The following TRDN variants were observed in gnomAD, a reference collection of about 807,000 sequenced individuals.
TRDN encodes triadin.
In TRDN, 161 loss-of-function variants were observed where a neutral mutation model predicts 149.7. The observed-to-expected ratio is 1.08, with a 90% CI of 0.95 to 1.23. The LOEUF (loss-of-function observed/expected upper bound fraction) is 1.23, where lower values mean the gene tolerates loss of function less well. Among genes scored for constraint, TRDN ranks in the 50% most tolerant of loss-of-function variants. The pLI, the probability that TRDN is intolerant of heterozygous loss-of-function variation, is 0.00. For missense variants in TRDN, 896 were observed against 823.5 expected (o/e 1.09, Z -1.08); for synonymous variants, 294 against 250.5 (o/e 1.17, Z -1.64).
intron 12 of TRDN, among the ~76,000 whole-genome samples, chr6:123,402,927 C>G (rs993520188): frequency 2.6e-5 from 4 of 152,132 alleles, no homozygotes; most frequent in African/African-American, 9.7e-5. Flanking sequence ...CATAATTTAA[C>G]TAAAGCTTTT....
chr6:123,279,564 T>G (rs1296443297), intron 24 of TRDN, among the ~76,000 whole-genome samples: 1 of 151,962 alleles, frequency 6.6e-6, no homozygotes, highest in Non-Finnish European at 1.5e-5. Flanking sequence ...CTAGTACCTG[T>G]CTGTCACTGT....
intron 12 of TRDN, among the ~76,000 whole-genome samples, chr6:123,422,692 A>G (rs1050173826): frequency 3.3e-5 from 5 of 152,210 alleles, no homozygotes; most frequent in African/African-American, 1.2e-4. Context: ...CTCACAATTT[A>G]TACAAGTAGT....
chr6:123,366,162 C>T lies in TRDN; in HGVS notation c.1294G>A (p.Glu432Lys), dbSNP rs908092002. Residue 432 changes from glutamate (E) to lysine (K), a missense_variant, in exon 20 of 41, where the codon GAG (glutamate) becomes AAG (lysine). Coordinates refer to ENST00000334268, the MANE Select transcript of TRDN (RefSeq NM_006073.4). ...VKAKTERAKEEIGAVSIKKAV... is the reference protein window; with the variant it reads ...VKAKTERAKEKIGAVSIKKAV... The stretch of plus-strand genomic sequence containing the variant: ...TTTTTAATTGAAACCGCACCAATCT[C>T]CTCTTTGGCTCGTTCAGTTTCTGCA... The T allele has an allele frequency of 1.9e-6, 3 of 1,612,924 alleles. No homozygotes were observed. Among genetic ancestry groups the T allele is most frequent in the Non-Finnish European group, 1.7e-6 (2 of 1,179,256 alleles).
chr6:123,473,296 T>A (rs1343720078), intron 9 of TRDN, among the ~76,000 whole-genome samples: 1 of 151,916 alleles, frequency 6.6e-6, no homozygotes, highest in Non-Finnish European at 1.5e-5. Flanking sequence ...ACATGAAGAA[T>A]GCAGAAGCCT....
intron 39 of TRDN, 90 bp downstream of exon 39, chr6:123,224,003 A>G: frequency 8.1e-7 from 1 of 1,238,244 alleles, no homozygotes; most frequent in Non-Finnish European, 1.1e-6. Context: ...GACTAGATCA[A>G]GAATAGCTAG....
intron 1 of TRDN, among the ~76,000 whole-genome samples, chr6:123,584,976 T>G (rs1450108686): frequency 6.6e-6 from 1 of 152,096 alleles, no homozygotes; most frequent in African/African-American, 2.4e-5. Flanking sequence ...TAAATGGCCA[T>G]GCTGTAGCAG....
chr6:123,483,265 G>C (rs1010952500), intron 9 of TRDN, among the ~76,000 whole-genome samples: 2 of 151,298 alleles, frequency 1.3e-5, no homozygotes, highest in East Asian at 3.9e-4. Context: ...ACCATGCCAG[G>C]CTAATTTTTT....
chr6:123,430,935 A>G (rs1443326012), intron 12 of TRDN, among the ~76,000 whole-genome samples: 1 of 152,216 alleles, frequency 6.6e-6, no homozygotes, highest in Non-Finnish European at 1.5e-5. Flanking sequence ...TCTCTAAAAC[A>G]GATTAGCTTC....
chr6:123,583,496 T>G (rs1040802093), intron 1 of TRDN, among the ~76,000 whole-genome samples: 21 of 151,682 alleles, frequency 1.4e-4, no homozygotes, highest in African/African-American at 4.6e-4. Flanking sequence ...GTGAGGTGTG[T>G]TTTTAAAAGA....
chr6:123,608,644 T>C (rs924659758), intron 1 of TRDN, among the ~76,000 whole-genome samples: 4 of 152,192 alleles, frequency 2.6e-5, no homozygotes, highest in Non-Finnish European at 4.4e-5. Flanking sequence ...TTTTTTCTTA[T>C]ATCATCAGAA....
At chr6:123,440,238 G>A (rs1349650208) in intron 10 of TRDN, among the ~76,000 whole-genome samples, 1 of 151,938 alleles carries the variant, frequency 6.6e-6, no homozygotes, top group Non-Finnish European at 1.5e-5. Context: ...AATGTCTCAG[G>A]GAAAAATGTA....
intron 23 of TRDN, among the ~76,000 whole-genome samples, chr6:123,323,648 CT>C (rs1201653825): frequency 6.6e-6 from 1 of 152,200 alleles, no homozygotes; most frequent in African/African-American, 2.4e-5. Context: ...TACAGAAAAA[CT>C]TTGCTGAGTG....
Position 123,548,573 on chromosome 6 carries a change from A to G in TRDN, c.272T>C (p.Leu91Pro). The change falls in exon 3 of 41, where the codon CTG becomes CCG. Residue 91 changes from leucine to proline, a missense_variant. Coordinates refer to ENST00000334268, the MANE Select transcript of TRDN (RefSeq NM_006073.4). The part of the protein sequence containing the change: ...IAKIGSDPLK[L>P]VRDAMEETTD... ...GGTTTCCTCCATAGCATCACGTACCAGTTTTAAAGGATCTGAGCCAATCTT... is the reference window on the plus strand; with the variant it reads ...GGTTTCCTCCATAGCATCACGTACCGGTTTTAAAGGATCTGAGCCAATCTT... 2 of 1,553,328 alleles carry G rather than the reference A, an allele frequency of 1.3e-6. No individual in the cohort carries two copies. The highest frequency in any genetic ancestry group is 1.7e-6 in the Non-Finnish European group (2 of 1,148,410).
intron 10 of TRDN, among the ~76,000 whole-genome samples, chr6:123,458,367 A>C (rs1776255278): frequency 6.6e-6 from 1 of 152,238 alleles, no homozygotes; most frequent in Admixed American, 6.5e-5. Context: ...CATTTAAATC[A>C]TAGACTTTGA....
chr6:123,259,752 T>TA (rs1182250640), intron 34 of TRDN, 90 bp from the exon 35 acceptor site: 2 of 905,010 alleles, frequency 2.2e-6, no homozygotes, highest in Non-Finnish European at 3.3e-6. Context: ...AGATGAGACT[T>TA]AATCTTATGA....
chr6:123,243,777 A>C (rs1159662966), intron 38 of TRDN, among the ~76,000 whole-genome samples: 1 of 152,162 alleles, frequency 6.6e-6, no homozygotes, highest in Non-Finnish European at 1.5e-5. Flanking sequence ...AAATAACTTA[A>C]TGATGAGCAA....
At chr6:123,458,674 G>T (rs953470866) in intron 10 of TRDN, among the ~76,000 whole-genome samples, 2 of 152,176 alleles carry the variant, frequency 1.3e-5, no homozygotes, top group Admixed American at 6.5e-5. Flanking sequence ...TCTGGAGAAT[G>T]CTGACTAAAT....
intron 7 of TRDN, among the ~76,000 whole-genome samples, chr6:123,511,228 G>A (rs1366528855): frequency 6.6e-6 from 1 of 152,110 alleles, no homozygotes; most frequent in Non-Finnish European, 1.5e-5. Context: ...TTATTGAAGA[G>A]ACTGTCCTTT....
chr6:123,229,923 T>C (rs76964917), intron 38 of TRDN, among the ~76,000 whole-genome samples: 2 of 152,128 alleles, frequency 1.3e-5, no homozygotes, highest in East Asian at 3.9e-4. Context: ...CAATCTTATC[T>C]TGGTTCTACA....
Sources: gnomAD v4.1 joint callset for allele counts (sites outside exome capture counted in the v4.1 genomes callset) on GRCh38, gnomAD v4.1.1 for gene constraint, MANE v1.5 for transcripts, NCBI Gene and HGNC (gene_info 2026-07-23, HGNC 2026-07-21) for gene names.